CTNNA3: variants seen among roughly 807,000 people sequenced by gnomAD.
CTNNA3 encodes catenin alpha 3.
Under a neutral mutation model 95.7 loss-of-function variants are expected in CTNNA3, and 76 were observed. That is an observed-to-expected ratio of 0.79 (90% CI 0.66 to 0.96). The LOEUF (loss-of-function observed/expected upper bound fraction) is 0.96. CTNNA3 is among the 40% of genes least tolerant of loss of function. CTNNA3 has a pLI of 0.00. For synonymous variants in CTNNA3, 431 were observed against 374.4 expected (o/e 1.15, Z -1.74); for missense variants, 1,191 against 1,089.8 (o/e 1.09, Z -1.31).
At chr10:67,014,168 C>T (rs1331097776) in intron 7 of CTNNA3, among the ~76,000 whole-genome samples, 1 of 152,174 alleles carries the variant, frequency 6.6e-6, no homozygotes, top group Admixed American at 6.5e-5. Context: ...TATTTCTTTT[C>T]CTACCATTCT....
intron 7 of CTNNA3, among the ~76,000 whole-genome samples, chr10:66,796,340 GAGA>G (rs1841189143): frequency 6.6e-6 from 1 of 152,002 alleles, no homozygotes; most frequent in African/African-American, 2.4e-5. Flanking sequence ...AAGCCTCCAG[GAGA>G]AGGACAGAGA....
intron 9 of CTNNA3, among the ~76,000 whole-genome samples, chr10:66,687,160 G>C (rs1346233422): frequency 6.6e-6 from 1 of 151,928 alleles, no homozygotes; most frequent in Non-Finnish European, 1.5e-5. Context: ...AAGGGAAAAA[G>C]GGTACATTCA....
At chr10:66,007,602 C>T (rs1262296796) in intron 15 of CTNNA3, among the ~76,000 whole-genome samples, 1 of 152,146 alleles carries the variant, frequency 6.6e-6, no homozygotes, top group African/African-American at 2.4e-5. Flanking sequence ...AATAGACTAA[C>T]ACCATACTTA....
At chr10:66,161,861 T>C (rs2084866746) in intron 13 of CTNNA3, among the ~76,000 whole-genome samples, 2 of 152,182 alleles carry the variant, frequency 1.3e-5, no homozygotes, top group South Asian at 4.1e-4. Flanking sequence ...TCGTTTAACA[T>C]AATCCCAGAC....
At chr10:66,307,589 G>GT (rs1053588407) in intron 12 of CTNNA3, among the ~76,000 whole-genome samples, 1 of 151,976 alleles carries the variant, frequency 6.6e-6, no homozygotes, top group Non-Finnish European at 1.5e-5. Flanking sequence ...CCCACTAGCT[G>GT]TTTTTTTAAA....
intron 13 of CTNNA3, among the ~76,000 whole-genome samples, chr10:66,228,369 T>C (rs2132001297): frequency 6.6e-6 from 1 of 152,180 alleles, no homozygotes; most frequent in South Asian, 2.1e-4. Flanking sequence ...TCTTTCAATT[T>C]TCATTTCTTT....
chr10:67,490,138 T>G (rs961861421), intron 5 of CTNNA3, among the ~76,000 whole-genome samples: 4 of 152,168 alleles, frequency 2.6e-5, no homozygotes, highest in Non-Finnish European at 4.4e-5. Context: ...TGATGCGAAA[T>G]CTCATCTTCT....
At chr10:66,671,154 A>G (rs987958857) in intron 9 of CTNNA3, among the ~76,000 whole-genome samples, 13 of 152,314 alleles carry the variant, frequency 8.5e-5, no homozygotes, top group Admixed American at 4.6e-4. Context: ...AATTATTCCT[A>G]AGTATTTACT....
At chr10:66,013,402 T>C (rs988239554) in intron 15 of CTNNA3, among the ~76,000 whole-genome samples, 1 of 152,208 alleles carries the variant, frequency 6.6e-6, no homozygotes, top group Non-Finnish European at 1.5e-5. Flanking sequence ...ATTATATGTA[T>C]GGACCTGAAC....
At chr10:66,325,437 G>A (rs1424876931) in intron 12 of CTNNA3, among the ~76,000 whole-genome samples, 1 of 152,106 alleles carries the variant, frequency 6.6e-6, no homozygotes, top group African/African-American at 2.4e-5. Flanking sequence ...GAGCCGAGGA[G>A]TCTCCCTATG....
At chr10:65,943,064 TTTTC>T (rs1336056747) in intron 17 of CTNNA3, among the ~76,000 whole-genome samples, 1 of 146,806 alleles carries the variant, frequency 6.8e-6, no homozygotes, top group Non-Finnish European at 1.5e-5. Flanking sequence ...CTTTTTTTCT[TTTTC>T]TTTTTTTTTT....
At chr10:66,400,028 C>T (rs756038108) in intron 11 of CTNNA3, among the ~76,000 whole-genome samples, 3 of 151,950 alleles carry the variant, frequency 2.0e-5, no homozygotes, top group Non-Finnish European at 4.4e-5. Flanking sequence ...AAGGCATACA[C>T]ATATGCATAT....
intron 1 of CTNNA3, among the ~76,000 whole-genome samples, chr10:67,727,020 T>G (rs1377948701): frequency 8.7e-6 from 1 of 115,510 alleles, no homozygotes; most frequent in African/African-American, 3.5e-5. Flanking sequence ...ACATATATGA[T>G]ATAATTATAT....
At chr10:66,386,991 C>T (rs2092898510) in intron 11 of CTNNA3, among the ~76,000 whole-genome samples, 1 of 152,080 alleles carries the variant, frequency 6.6e-6, no homozygotes, top group Non-Finnish European at 1.5e-5. Context: ...ACCATAAAAA[C>T]CCTAGAAGAA....
chr10:67,449,208 C>T (rs906203891), intron 5 of CTNNA3, among the ~76,000 whole-genome samples: 1 of 152,088 alleles, frequency 6.6e-6, no homozygotes, highest in East Asian at 1.9e-4. Flanking sequence ...AAAAACATTC[C>T]ATGCTCATGG....
intron 5 of CTNNA3, among the ~76,000 whole-genome samples, chr10:67,235,177 T>G (rs541442055): frequency 3.9e-5 from 6 of 152,214 alleles, no homozygotes; most frequent in African/African-American, 1.2e-4. Context: ...AAAGTTCAAA[T>G]GGAACCAAAA....
chr10:66,890,173 C>T (rs988540800), intron 7 of CTNNA3, among the ~76,000 whole-genome samples: 3 of 152,096 alleles, frequency 2.0e-5, no homozygotes, highest in Non-Finnish European at 2.9e-5. Flanking sequence ...TTAGACATCT[C>T]AGTGGAGATG....
At chr10:66,123,474 A>G (rs1285667282) in intron 13 of CTNNA3, among the ~76,000 whole-genome samples, 1 of 152,096 alleles carries the variant, frequency 6.6e-6, no homozygotes, top group African/African-American at 2.4e-5. Context: ...TTCTAGGCAC[A>G]GGGTGTAAAC....
At chr10:67,154,062 G>T (rs1861193937) in intron 7 of CTNNA3, among the ~76,000 whole-genome samples, 1 of 151,700 alleles carries the variant, frequency 6.6e-6, no homozygotes. Context: ...AAAAAACTTT[G>T]TTTTACAAAC....
Sources: allele counts gnomAD v4.1 joint callset (sites outside exome capture counted in the v4.1 genomes callset), GRCh38; gene constraint gnomAD v4.1.1; transcripts MANE v1.5; gene names NCBI Gene and HGNC (gene_info 2026-07-23, HGNC 2026-07-21).